The following SGCD variants were observed in gnomAD, a reference collection of about 807,000 sequenced individuals.
SGCD encodes sarcoglycan delta.
A neutral mutation model predicts 36.6 loss-of-function variants in SGCD; 18 were observed. The observed-to-expected ratio is 0.49, with a 90% CI of 0.34 to 0.73. The LOEUF (loss-of-function observed/expected upper bound fraction) is 0.73, where lower values mean the gene tolerates loss of function less well. Ranked by LOEUF, SGCD falls within the 30% of genes least tolerant of loss-of-function variation. The pLI, the probability that SGCD is intolerant of heterozygous loss-of-function variation, is 0.01. For synonymous variants in SGCD, 133 were observed against 130.6 expected, an observed-to-expected ratio of 1.02 and a Z score of -0.12; for missense variants, 387 against 346.7, an observed-to-expected ratio of 1.12 and a Z score of -0.92.
At chr5:156,381,511 A>G (rs1163764386) in intron 3 of SGCD, among the ~76,000 whole-genome samples, 1 of 152,180 alleles carries the variant, frequency 6.6e-6, no homozygotes, top group African/African-American at 2.4e-5. Context: ...ATTCATCCAT[A>G]AGCATTATAT....
At chr5:155,838,113 T>G in the SGCD span, among the ~76,000 whole-genome samples, 4 of 152,048 alleles carry the variant, frequency 2.6e-5, no homozygotes, top group African/African-American at 9.7e-5. Flanking sequence ...TCATATTGTT[T>G]TATCTGTAAC....
chr5:156,359,559 G>A (rs1237554459), intron 3 of SGCD, among the ~76,000 whole-genome samples: 1 of 152,152 alleles, frequency 6.6e-6, no homozygotes, highest in African/African-American at 2.4e-5. Flanking sequence ...AGCCAGCCTA[G>A]ACCCAGAATT....
chr5:156,527,158 C>T (rs1157154651), intron 4 of SGCD, among the ~76,000 whole-genome samples: 1 of 151,982 alleles, frequency 6.6e-6, no homozygotes, highest in Non-Finnish European at 1.5e-5. Flanking sequence ...TTTTATTCAG[C>T]CAGACTCATA....
chr5:156,711,045 T>C (rs145288326), intron 7 of SGCD, among the ~76,000 whole-genome samples: 157 of 152,326 alleles, frequency 1.0e-3, no homozygotes, highest in African/African-American at 3.4e-3. Context: ...AGGGTCTGTT[T>C]GGTCAGTCTT....
chr5:156,093,975 C>T (rs1287955314), intron 1 of SGCD, among the ~76,000 whole-genome samples: 1 of 152,162 alleles, frequency 6.6e-6, no homozygotes, highest in Non-Finnish European at 1.5e-5. Flanking sequence ...GGATATTTGC[C>T]TAAGTGGGAA....
At chr5:156,130,493 T>C (rs564295309) in intron 3 of SGCD, among the ~76,000 whole-genome samples, 3 of 152,330 alleles carry the variant, frequency 2.0e-5, no homozygotes, top group African/African-American at 7.2e-5. Context: ...TTAAGTTTAA[T>C]TAGATTCCAC....
At chr5:156,188,682 ACATACACACAATCCCTCTCT>A (rs1763822133) in intron 3 of SGCD, among the ~76,000 whole-genome samples, 1 of 67,880 alleles carries the variant, frequency 1.5e-5, no homozygotes, top group Non-Finnish European at 3.3e-5. Context: ...CCCCCGACAC[ACATACACACAATCCCTCTCT>A]ACATGCACAA....
intron 1 of SGCD, among the ~76,000 whole-genome samples, chr5:155,905,578 T>C (rs1341451724): frequency 6.6e-6 from 1 of 152,110 alleles, no homozygotes; most frequent in African/African-American, 2.4e-5. Context: ...CCTCATTTTA[T>C]TGCATTTGGC....
chr5:156,099,222 C>T (rs1761459388), intron 1 of SGCD, among the ~76,000 whole-genome samples: 1 of 152,170 alleles, frequency 6.6e-6, no homozygotes, highest in African/African-American at 2.4e-5. Flanking sequence ...TCTCTTGAAA[C>T]ATTTCTGGAG....
chr5:156,554,014 G>A (rs938613684), intron 4 of SGCD, among the ~76,000 whole-genome samples: 12 of 152,120 alleles, frequency 7.9e-5, no homozygotes, highest in African/African-American at 2.9e-4. Flanking sequence ...CATAATTTCA[G>A]TTACTCATGG....
chr5:156,316,727 A>G (rs944301635), intron 3 of SGCD, among the ~76,000 whole-genome samples: 13 of 152,084 alleles, frequency 8.5e-5, no homozygotes, highest in African/African-American at 2.9e-4. Context: ...TCTCTTCAAT[A>G]AATGATATTG....
In SGCD at chr5:156,104,698, G is replaced by C. The variant is rs141403976; in HGVS notation, c.-281-13180G>C. ...TCATAATGTGTCAGCAGTTCAATCT[G>C]CTGGGAGTAACAAGTACTAAAACAG... On this transcript the variant is annotated intron_variant, in intron 1 of 9. Transcript: ENST00000517913. Among the ~76,000 whole-genome samples the C allele has an allele frequency of 1.7e-3, 266 of 152,282 alleles. 1 individual carries two copies. Among genetic ancestry groups the C allele is most frequent in the African/African-American group, 5.9e-3 (246 of 41,566 alleles).
intron 3 of SGCD, among the ~76,000 whole-genome samples, chr5:156,422,789 A>G (rs1773378116): frequency 6.6e-6 from 1 of 152,006 alleles, no homozygotes. Flanking sequence ...CCATTGTGAT[A>G]ACCAAAATTG....
At chr5:156,263,809 T>C (rs1581204323) in intron 3 of SGCD, among the ~76,000 whole-genome samples, 1 of 152,200 alleles carries the variant, frequency 6.6e-6, no homozygotes, top group African/African-American at 2.4e-5. Flanking sequence ...CTTCTACTTG[T>C]GGCTTGTCAA....
At chr5:156,091,348 C>T (rs901899182) in intron 1 of SGCD, among the ~76,000 whole-genome samples, 1 of 152,220 alleles carries the variant, frequency 6.6e-6, no homozygotes, top group Non-Finnish European at 1.5e-5. Context: ...CAACACACTA[C>T]CATGAAGGCA....
intron 7 of SGCD, among the ~76,000 whole-genome samples, chr5:156,698,198 T>C (rs908104875): frequency 6.6e-6 from 1 of 152,182 alleles, no homozygotes; most frequent in African/African-American, 2.4e-5. Context: ...AGAAACCTCA[T>C]TTCAGCTCAG....
chr5:156,175,629 A>T (rs962352795), intron 3 of SGCD, among the ~76,000 whole-genome samples: 2 of 152,210 alleles, frequency 1.3e-5, no homozygotes, highest in African/African-American at 4.8e-5. Context: ...TACAATAAGG[A>T]GTTTCCAGTT....
At chr5:156,313,956 T>A (rs1229589856) in intron 3 of SGCD, among the ~76,000 whole-genome samples, 1 of 151,794 alleles carries the variant, frequency 6.6e-6, no homozygotes, top group Non-Finnish European at 1.5e-5. Context: ...TTTGGGTATC[T>A]TTTCTATTAT....
intron 4 of SGCD, among the ~76,000 whole-genome samples, chr5:156,525,218 A>G (rs1404158467): frequency 6.6e-6 from 1 of 152,048 alleles, no homozygotes; most frequent in East Asian, 1.9e-4. Flanking sequence ...TTTTCTCTAC[A>G]TCCTTGCCAA....
Sources: allele counts gnomAD v4.1 joint callset (sites outside exome capture counted in the v4.1 genomes callset), GRCh38; gene constraint gnomAD v4.1.1; transcripts MANE v1.5; gene names NCBI Gene and HGNC (gene_info 2026-07-23, HGNC 2026-07-21).